Variants in ASIC2 observed in about 807,000 individuals in gnomAD.
ASIC2 encodes the protein acid-sensing ion channel 2.
Under a neutral mutation model 57.3 loss-of-function variants are expected in ASIC2, and 25 were observed. The ratio of observed to expected loss-of-function variants is 0.44; its 90% confidence interval spans 0.32 to 0.61. The LOEUF is 0.61. Ranked by LOEUF, ASIC2 falls within the 20% of genes least tolerant of loss-of-function variation. ASIC2 has a pLI of 0.06. For missense variants in ASIC2, 641 were observed against 738.1 expected, an observed-to-expected ratio of 0.87 and a Z score of 1.52; for synonymous variants, 319 against 307.5, an observed-to-expected ratio of 1.04 and a Z score of -0.39.
intron 1 of ASIC2, among the ~76,000 whole-genome samples, chr17:33,503,664 T>C (rs1016851179): frequency 2.0e-5 from 3 of 152,010 alleles, no homozygotes; most frequent in Admixed American, 2.0e-4. Context: ...GCTCAGTGAG[T>C]GGTTGGATTA....
intron 1 of ASIC2, among the ~76,000 whole-genome samples, chr17:33,845,445 G>A (rs1455961546): frequency 1.3e-5 from 2 of 151,272 alleles, no homozygotes; most frequent in Admixed American, 1.3e-4. Context: ...TGGGTGGTAA[G>A]AGAGCAGCCT....
intron 1 of ASIC2, among the ~76,000 whole-genome samples, chr17:33,785,219 A>G (rs1911567599): frequency 6.6e-6 from 1 of 152,164 alleles, no homozygotes; most frequent in Non-Finnish European, 1.5e-5. Context: ...AGATGAAGAA[A>G]GAAGATGGCC....
upstream of ASIC2, among the ~76,000 whole-genome samples, chr17:33,296,916 C>G (rs552235299): frequency 9.2e-5 from 14 of 152,184 alleles, no homozygotes; most frequent in Non-Finnish European, 5.9e-5. Flanking sequence ...TGTAGGAATC[C>G]GTTCAATACA....
At chr17:33,760,049 C>T (rs1910733691) in intron 1 of ASIC2, among the ~76,000 whole-genome samples, 1 of 152,044 alleles carries the variant, frequency 6.6e-6, no homozygotes, top group Admixed American at 6.6e-5. Context: ...ACTGCAGTTT[C>T]AGGTATTGTG....
chr17:33,120,396 G>A (rs1467193008), intron 1 of ASIC2, among the ~76,000 whole-genome samples: 1 of 152,216 alleles, frequency 6.6e-6, no homozygotes, highest in Non-Finnish European at 1.5e-5. Context: ...AAATCTGTCT[G>A]TTGGTTGGGA....
intron 1 of ASIC2, among the ~76,000 whole-genome samples, chr17:33,419,070 C>T (rs1269732669): frequency 6.6e-6 from 1 of 152,138 alleles, no homozygotes; most frequent in Non-Finnish European, 1.5e-5. Context: ...CCTGCATGTC[C>T]TACACATGTA....
In ASIC2 at chr17:33,818,108, A is replaced by G. The variant is rs545285345; in HGVS notation, c.555+337870T>C. 2.6e-5 allele frequency among the ~76,000 whole-genome samples: 4 copies of G among 152,342 alleles called. No homozygotes were observed. In the South Asian group the frequency reaches 6.2e-4, roughly 24 times the overall value. ...ATTCTCTTCATCAGCGCAGCCATAA[A>G]GATCCTCCTGGAGTTGAGGGATAAG... On this transcript the variant is annotated intron_variant, in intron 1 of 9. Transcript: ENST00000359872.
chr17:33,528,154 C>T lies in ASIC2; in HGVS notation c.556-416087G>A, dbSNP rs1462491721. Among the ~76,000 whole-genome samples, 8 of 28,970 alleles carry T rather than the reference C, an allele frequency of 2.8e-4. No individual in the cohort carries two copies. The South Asian group carries it at 3.8e-3, about 14-fold the overall frequency. The allele number at this position is 28,970 out of a possible 152,430, so 19.0% of individuals were successfully genotyped here. A position where few individuals can be genotyped will look rare whatever the true frequency, so the allele number is the denominator to read the frequency against. ...GATTCAAACCTGGGCCTGGCTGACCCGTGTATGTGGTAGGTGTGTGTGTGT... is the reference window on the plus strand; with the variant it reads ...GATTCAAACCTGGGCCTGGCTGACCTGTGTATGTGGTAGGTGTGTGTGTGT... On this transcript the variant is annotated intron_variant, in intron 1 of 9. Coordinates refer to the ASIC2 transcript ENST00000359872.
chr17:33,718,154 C>A (rs547402063), intron 1 of ASIC2, among the ~76,000 whole-genome samples: 1 of 151,916 alleles, frequency 6.6e-6, no homozygotes, highest in East Asian at 1.9e-4. Flanking sequence ...CACACATGCT[C>A]CTGTATGCTT....
intron 1 of ASIC2, among the ~76,000 whole-genome samples, chr17:33,786,161 C>T (rs185961863): frequency 1.4e-3 from 220 of 152,278 alleles, no homozygotes; most frequent in Non-Finnish European, 2.8e-3. Context: ...GAGTAACAGG[C>T]TGTGGGCAAA....
chr17:34,078,579 C>T (rs189889004), intron 1 of ASIC2, among the ~76,000 whole-genome samples: 3 of 152,138 alleles, frequency 2.0e-5, no homozygotes, highest in Admixed American at 2.0e-4. Flanking sequence ...TGCTGGGAGA[C>T]AATCTAGAAG....
At chr17:33,983,605 C>T (rs1334045966) in intron 1 of ASIC2, among the ~76,000 whole-genome samples, 2 of 152,186 alleles carry the variant, frequency 1.3e-5, no homozygotes, top group Non-Finnish European at 2.9e-5. Context: ...TGCCTGCTGC[C>T]AATGTACCAT....
At chr17:33,309,355 A>G (rs887464851) in intron 1 of ASIC2, among the ~76,000 whole-genome samples, 6 of 152,248 alleles carry the variant, frequency 3.9e-5, no homozygotes, top group African/African-American at 1.4e-4. Context: ...CGGTAGATTC[A>G]ATATTTCAAT....
At chr17:33,306,574 C>CA (rs994437160) in intron 1 of ASIC2, among the ~76,000 whole-genome samples, 2 of 152,144 alleles carry the variant, frequency 1.3e-5, no homozygotes, top group African/African-American at 4.8e-5. Context: ...CATCCATCAC[C>CA]AAGGGCTGTC....
chr17:33,281,955 G>A (rs1396901535), intron 1 of ASIC2, among the ~76,000 whole-genome samples: 2 of 152,150 alleles, frequency 1.3e-5, no homozygotes, highest in Non-Finnish European at 2.9e-5. Flanking sequence ...CTAAGTTTCT[G>A]GAGTCCAAAT....
intron 1 of ASIC2, among the ~76,000 whole-genome samples, chr17:33,399,816 T>A (rs1910216610): frequency 1.3e-5 from 2 of 152,178 alleles, no homozygotes; most frequent in Non-Finnish European, 2.9e-5. Flanking sequence ...ATGGTAGTGG[T>A]GGGCAGGACC....
intron 1 of ASIC2, among the ~76,000 whole-genome samples, chr17:33,522,194 CT>C (rs1914763339): frequency 6.6e-6 from 1 of 152,240 alleles, no homozygotes. Context: ...TCAGTACCCC[CT>C]CGTGGGCTCC....
chr17:33,084,172 T>C (rs1016093955), intron 3 of ASIC2, among the ~76,000 whole-genome samples: 2 of 152,098 alleles, frequency 1.3e-5, no homozygotes, highest in African/African-American at 4.8e-5. Flanking sequence ...GACTCCCAGG[T>C]GGTGAATGCT....
At position 33,537,469 on chromosome 17, in the gene ASIC2, G is replaced by A. The variant is rs1019811708; in HGVS notation, c.556-425402C>T. Among the ~76,000 whole-genome samples, 26 of 152,158 alleles carry A rather than the reference G, an allele frequency of 1.7e-4. 1 individual carries two copies. The highest frequency in any genetic ancestry group is 1.7e-3 in the Admixed American group (26 of 15,282). ...CACTTGTTTACAAGTGAAATCTGCTGCTTCTACTGAAATGCACTTTGTGAG... is the reference window on the plus strand; with the variant it reads ...CACTTGTTTACAAGTGAAATCTGCTACTTCTACTGAAATGCACTTTGTGAG... On this transcript the variant is annotated intron_variant, in intron 1 of 9. Transcript: ENST00000359872.
Sources: allele counts gnomAD v4.1 joint callset (sites outside exome capture counted in the v4.1 genomes callset), GRCh38; gene constraint gnomAD v4.1.1; transcripts MANE v1.5; gene names NCBI Gene and HGNC (gene_info 2026-07-23, HGNC 2026-07-21).